The following DIDO1 variants were observed in gnomAD, a reference collection of about 807,000 sequenced individuals.
The protein encoded by DIDO1 is death inducer-obliterator 1, also known as death-inducer obliterator 1.
A neutral mutation model predicts 99.4 loss-of-function variants in DIDO1; 16 were observed. That is an observed-to-expected ratio of 0.16 (90% CI 0.11 to 0.24). The LOEUF is 0.24. Among genes scored for constraint, DIDO1 ranks in the 10% least tolerant of loss-of-function variants. The pLI is 1.00. For missense variants in DIDO1, 2,996 were observed against 3,014.0 expected, an observed-to-expected ratio of 0.99 and a Z score of 0.14; for synonymous variants, 1,366 against 1,239.1, an observed-to-expected ratio of 1.10 and a Z score of -2.15.
intron 15 of DIDO1, chr20:62,888,246 G>A (rs1331630002): frequency 1.8e-5 from 18 of 985,410 alleles, no homozygotes; most frequent in Non-Finnish European, 1.8e-5. Context: ...CTGCAATTGT[G>A]TGGTATAAAC....
Position 62,893,903 on chromosome 20 carries a change from C to T in DIDO1, c.2864G>A (p.Ser955Asn), listed in dbSNP as rs747968264. Residue 955 changes from serine to asparagine, a missense_variant, in exon 12 of 16, where the codon AGC (serine) becomes AAC (asparagine). By Grantham distance (46) the Ser-to-Asn change is conservative. Around this residue, in one of 5 missense-constraint regions of DIDO1, gnomAD observed 898 missense variants for 972.7 expected, o/e 0.92. Transcript: ENST00000395343. ...CACTGTGACGGTGGTGACCACCCCG[C>T]TCCCACAGGAGGCTGGGCAGGGGGA... is the stretch of plus-strand genomic sequence containing the variant. ...DLSPCPASCG[S>N]GVVTTVTVSG... The T allele has an allele frequency of 1.9e-6, 3 of 1,611,220 alleles. No individual in the cohort carries two copies. The highest frequency in any genetic ancestry group is 1.3e-5 in the African/African-American group (1 of 74,996).
intron 1 of DIDO1, among the ~76,000 whole-genome samples, chr20:62,935,615 G>A (rs1239545404): frequency 6.6e-6 from 1 of 152,200 alleles, no homozygotes; most frequent in Non-Finnish European, 1.5e-5. Context: ...AGAGCACAGC[G>A]ATAACAAAGC....
intron 4 of DIDO1, 104 bp downstream of exon 4, chr20:62,909,595 C>T: frequency 1.4e-6 from 2 of 1,428,508 alleles, no homozygotes; most frequent in Non-Finnish European, 1.9e-6. Flanking sequence ...AGGCACCGCC[C>T]CACATGGGTG....
In DIDO1 at chr20:62,882,590, A is replaced by AGGAATGCACCGCCCCG. The variant is rs1555837498; in HGVS notation, c.3542-177_3542-176insCGGGGCGGTGCATTCC. 8.0e-5 allele frequency among the ~76,000 whole-genome samples: 12 copies of AGGAATGCACCGCCCCG among 150,790 alleles called. 1 individual carries two copies. The highest frequency in any genetic ancestry group is 1.5e-4 in the African/African-American group (6 of 40,654). ...GCAAAAGCCTGGACGATTCCGCCCCAGGAACGCACCGCCCCGGGAACGAGC... is the reference window on the plus strand; with the variant it reads ...GCAAAAGCCTGGACGATTCCGCCCCAGGAATGCACCGCCCCGGGAACGCACCGCCCCGGGAACGAGC... On this transcript the variant is annotated intron_variant, in intron 15 of 15. Coordinates refer to ENST00000395343, the MANE Select transcript of DIDO1 (RefSeq NM_001193369.2).
rs2064179856 is a variant in DIDO1, at chr20:62,880,422, C to T, written c.5534G>A (p.Arg1845His). ...RGVAPSQFEE[R>H]KDPHGEKREF... ...CCTCTTCTCCCCATGGGGATCCTTG[C>T]GTTCTTCAAATTGGGATGGTGCCAC... Residue 1845 changes from arginine to histidine, a missense_variant, in exon 16 of 16, where the codon CGC becomes CAC. Arg to His is a conservative substitution (Grantham distance 29, BLOSUM62 0). Transcript: ENST00000395343. 1.9e-6 allele frequency: 3 copies of T among 1,612,850 alleles called. No homozygotes were observed. In the East Asian group the frequency reaches 6.7e-5, roughly 36 times the overall value.
intron 6 of DIDO1, among the ~76,000 whole-genome samples, chr20:62,900,652 A>C (rs1033937305): frequency 7.2e-5 from 11 of 152,176 alleles, no homozygotes; most frequent in Non-Finnish European, 1.3e-4. Flanking sequence ...CCCCACAGGG[A>C]AAGGAACTGG....
chr20:62,935,385 G>C (rs893055564), intron 1 of DIDO1, among the ~76,000 whole-genome samples: 1 of 152,138 alleles, frequency 6.6e-6, no homozygotes, highest in Non-Finnish European at 1.5e-5. Flanking sequence ...CTCACATGAA[G>C]CTTACCATTT....
intron 1 of DIDO1, among the ~76,000 whole-genome samples, chr20:62,914,655 C>T (rs2065007620): frequency 6.6e-6 from 1 of 152,130 alleles, no homozygotes; most frequent in South Asian, 2.1e-4. Flanking sequence ...GAGTCCCAGG[C>T]TTGCCCCAGG....
At chr20:62,925,982 A>C (rs2065244766) in intron 1 of DIDO1, among the ~76,000 whole-genome samples, 1 of 151,708 alleles carries the variant, frequency 6.6e-6, no homozygotes, top group African/African-American at 2.4e-5. Context: ...GACCGCACCC[A>C]AGGCCCGGGA....
chr20:62,926,107 G>A (rs1248323666), intron 1 of DIDO1, among the ~76,000 whole-genome samples: 1 of 151,860 alleles, frequency 6.6e-6, no homozygotes, highest in Non-Finnish European at 1.5e-5. Flanking sequence ...GCTCTTCCCC[G>A]CGAGCGGCCG....
rs770071656 is a variant in DIDO1, at chr20:62,881,422, C to T, written c.4534G>A (p.Ala1512Thr). Residue 1512 changes from alanine to threonine, a missense_variant, in exon 16 of 16, where the codon GCC (alanine) becomes ACC (threonine). By Grantham distance (58) the Ala-to-Thr change is moderately conservative. Transcript: ENST00000395343. The surrounding 1 kb of genome is among the most constrained non-coding windows in gnomAD (Gnocchi z 8.3). ...AAGGCGTCCGACACCGAGAAGTGGG[C>T]CATGGAGACCCCGACGGCGGCCCTC... Reference protein sequence around the residue: ...QQRAAVGVSMAHFSVSDALMS... With the variant: ...QQRAAVGVSMTHFSVSDALMS... The T allele has an allele frequency of 5.6e-6, 9 of 1,607,966 alleles. No homozygotes were observed. In the Admixed American group the frequency reaches 1.3e-4, roughly 24 times the overall value.
chr20:62,899,398 T>C (rs1352054208), intron 6 of DIDO1, among the ~76,000 whole-genome samples: 2 of 152,226 alleles, frequency 1.3e-5, no homozygotes, highest in Admixed American at 6.5e-5. Context: ...TAGGGTTACA[T>C]GCTACCTTCA....
At position 62,882,399 on chromosome 20, in the gene DIDO1, C is replaced by T. The variant is rs142581504; in HGVS notation, c.3557G>A (p.Arg1186His). 3.7e-5 allele frequency: 59 copies of T among 1,609,810 alleles called. No individual in the cohort carries two copies. The African/African-American group carries it at 6.6e-4, about 18-fold the overall frequency. Residue 1186 changes from arginine to histidine, a missense_variant, in exon 16 of 16, where the codon CGT (arginine) becomes CAT (histidine). By Grantham distance (29) the Arg-to-His change is conservative. Coordinates refer to ENST00000395343, the MANE Select transcript of DIDO1 (RefSeq NM_001193369.2). The stretch of plus-strand genomic sequence containing the variant: ...TACTAACCCAAGAATTATATTCGGA[C>T]GTGGTGACTCAAGACCTGAAAAACA... The part of the protein sequence containing the change: ...PFEGPGLESP[R>H]PNIILGLVIC...
intron 6 of DIDO1, among the ~76,000 whole-genome samples, chr20:62,900,853 G>A (rs1047598999): frequency 3.9e-5 from 6 of 152,192 alleles, no homozygotes; most frequent in Non-Finnish European, 8.8e-5. Context: ...TCTATGCTAT[G>A]CACCTGAAAA....
At chr20:62,926,926 A>C (rs2065267394), upstream of DIDO1, among the ~76,000 whole-genome samples, 1 of 152,178 alleles carries the variant, frequency 6.6e-6, no homozygotes, top group Non-Finnish European at 1.5e-5. Flanking sequence ...ACAGGGGATA[A>C]AAGAAGAAAA....
At chr20:62,882,640 C>A (rs2064230910) in intron 15 of DIDO1, among the ~76,000 whole-genome samples, 1 of 152,198 alleles carries the variant, frequency 6.6e-6, no homozygotes, top group Admixed American at 6.5e-5. Flanking sequence ...GCCAGGAATG[C>A]ACCAACCCAG....
chr20:62,905,125 T>C (rs2064771586), intron 6 of DIDO1: 3 of 1,002,992 alleles, frequency 3.0e-6, no homozygotes, highest in Non-Finnish European at 3.6e-6. Flanking sequence ...ATTTGAAATT[T>C]GGGGCAGGAT....
chr20:62,933,116 G>A (rs943952872), intron 1 of DIDO1, among the ~76,000 whole-genome samples: 4 of 152,252 alleles, frequency 2.6e-5, no homozygotes, highest in African/African-American at 9.6e-5. Context: ...GGAGGCTGAG[G>A]CAGGAGAATC....
chr20:62,925,338 C>T (rs2065231586), intron 1 of DIDO1, among the ~76,000 whole-genome samples: 1 of 152,230 alleles, frequency 6.6e-6, no homozygotes, highest in Non-Finnish European at 1.5e-5. Flanking sequence ...AAAGGCACTG[C>T]TAAGGACCTT....
Sources: allele counts gnomAD v4.1 joint callset (sites outside exome capture counted in the v4.1 genomes callset), GRCh38; gene constraint gnomAD v4.1.1; regional missense constraint gnomAD v4.1.1; non-coding constraint Gnocchi (gnomAD v3.1); transcripts MANE v1.5; gene names NCBI Gene and HGNC (gene_info 2026-07-23, HGNC 2026-07-21).